LRMDA: variants seen among roughly 807,000 people sequenced by gnomAD.
LRMDA encodes the protein leucine-rich melanocyte differentiation-associated protein.
A neutral mutation model predicts 29.8 loss-of-function variants in LRMDA; 18 were observed. The observed-to-expected ratio is 0.60, with a 90% CI of 0.42 to 0.90. LRMDA has a LOEUF of 0.90. Among genes scored for constraint, LRMDA ranks in the 40% least tolerant of loss-of-function variants. The pLI, the probability that LRMDA is intolerant of heterozygous loss-of-function variation, is 0.00. For missense variants in LRMDA, 273 were observed against 273.9 expected, an observed-to-expected ratio of 1.00 and a Z score of 0.02; for synonymous variants, 125 against 109.4, an observed-to-expected ratio of 1.14 and a Z score of -0.89.
intron 5 of LRMDA, among the ~76,000 whole-genome samples, chr10:76,278,916 G>A (rs1314776733): frequency 2.0e-5 from 3 of 152,182 alleles, no homozygotes; most frequent in Non-Finnish European, 4.4e-5. Flanking sequence ...CTTCAAGGAA[G>A]AATGAAATAA....
chr10:76,312,505 C>T (rs185444297), intron 5 of LRMDA, among the ~76,000 whole-genome samples: 130 of 152,126 alleles, frequency 8.5e-4, no homozygotes, highest in African/African-American at 9.9e-4. Context: ...AAAAAACCTC[C>T]GTGAGAGGAA....
intron 2 of LRMDA, among the ~76,000 whole-genome samples, chr10:75,963,668 T>C (rs1846807159): frequency 2.0e-5 from 3 of 152,330 alleles, no homozygotes; most frequent in Middle Eastern, 3.4e-3. Flanking sequence ...CTCTCTTCTT[T>C]CAATCTGAGT....
chr10:75,949,563 A>T (rs1846537472), intron 2 of LRMDA, among the ~76,000 whole-genome samples: 1 of 152,232 alleles, frequency 6.6e-6, no homozygotes. Flanking sequence ...AGTCTTAGGA[A>T]GAAATTTAGA....
chr10:75,722,927 A>AT (rs1382511890), intron 2 of LRMDA, among the ~76,000 whole-genome samples: 1 of 152,172 alleles, frequency 6.6e-6, no homozygotes, highest in Non-Finnish European at 1.5e-5. Flanking sequence ...TGGTCATATA[A>AT]ATACCTGTGC....
At chr10:76,351,609 G>T (rs1323580107) in intron 6 of LRMDA, among the ~76,000 whole-genome samples, 1 of 151,168 alleles carries the variant, frequency 6.6e-6, no homozygotes, top group Non-Finnish European at 1.5e-5. Flanking sequence ...AGCTACCAAT[G>T]TTATGCACCC....
At chr10:75,902,540 T>G (rs947784170) in intron 2 of LRMDA, among the ~76,000 whole-genome samples, 1 of 151,916 alleles carries the variant, frequency 6.6e-6, no homozygotes, top group Non-Finnish European at 1.5e-5. Flanking sequence ...TATTTTATTC[T>G]TTCTGTTTTT....
chr10:75,915,322 C>T (rs1845915470), intron 2 of LRMDA, among the ~76,000 whole-genome samples: 1 of 151,522 alleles, frequency 6.6e-6, no homozygotes, highest in Non-Finnish European at 1.5e-5. Flanking sequence ...TTTTAGTAGA[C>T]ATGAGGTTTC....
intron 5 of LRMDA, among the ~76,000 whole-genome samples, chr10:76,164,540 A>C (rs1234025177): frequency 6.6e-6 from 1 of 152,180 alleles, no homozygotes; most frequent in Admixed American, 6.5e-5. Flanking sequence ...AAAACCACCC[A>C]AAAAACAAAG....
At chr10:76,551,891 G>A (rs1386759603) in intron 6 of LRMDA, among the ~76,000 whole-genome samples, 1 of 152,122 alleles carries the variant, frequency 6.6e-6, no homozygotes, top group Non-Finnish European at 1.5e-5. Context: ...GGGGTCAGGA[G>A]GTACCTAGTT....
At chr10:76,385,448 G>A (rs1841648075) in intron 6 of LRMDA, among the ~76,000 whole-genome samples, 1 of 152,210 alleles carries the variant, frequency 6.6e-6, no homozygotes, top group Non-Finnish European at 1.5e-5. Flanking sequence ...CTTTCAGAGA[G>A]GGGCCTTAGT....
Position 75,971,840 on chromosome 10 carries a change from C to G in LRMDA, c.132-64168C>G, listed in dbSNP as rs139935344. ...AAGTTAGGGTTCTCAGAAAACCCAACAAAATGGGAGCCTTTGAAACATGAT... is the reference window on the plus strand; with the variant it reads ...AAGTTAGGGTTCTCAGAAAACCCAAGAAAATGGGAGCCTTTGAAACATGAT... On this transcript the variant is annotated intron_variant, in intron 2 of 6. Coordinates refer to ENST00000611255, the MANE Select transcript of LRMDA (RefSeq NM_001305581.2). 3.9e-3 allele frequency among the ~76,000 whole-genome samples: 592 copies of G among 152,258 alleles called. 8 individuals are homozygous for G. The highest frequency in any genetic ancestry group is 0.013 in the African/African-American group (554 of 41,550).
chr10:75,621,901 C>G (rs1257607514), intron 2 of LRMDA, among the ~76,000 whole-genome samples: 1 of 152,192 alleles, frequency 6.6e-6, no homozygotes, highest in South Asian at 2.1e-4. Context: ...GGCTATTATT[C>G]TTCTGAGCAG....
At chr10:75,998,151 G>A (rs571385374) in intron 2 of LRMDA, among the ~76,000 whole-genome samples, 2 of 152,272 alleles carry the variant, frequency 1.3e-5, no homozygotes, top group South Asian at 4.1e-4. Context: ...AATCAGAAGT[G>A]TCCCGTTTGT....
chr10:76,383,303 G>A (rs556478163), intron 6 of LRMDA, among the ~76,000 whole-genome samples: 1 of 151,910 alleles, frequency 6.6e-6, no homozygotes, highest in African/African-American at 2.4e-5. Flanking sequence ...CAGTCCTTAA[G>A]TGAACTGGCC....
chr10:75,583,956 G>C (rs983830911), intron 2 of LRMDA, among the ~76,000 whole-genome samples: 1 of 152,110 alleles, frequency 6.6e-6, no homozygotes, highest in African/African-American at 2.4e-5. Flanking sequence ...CTTGATGACA[G>C]ACTTGATGTG....
At chr10:75,812,108 ATTTTTTT>A (rs67846089) in intron 2 of LRMDA, among the ~76,000 whole-genome samples, 10 of 46,258 alleles carry the variant, frequency 2.2e-4, no homozygotes, top group African/African-American at 7.2e-4. Context: ...TTTAATTGTG[ATTTTTTT>A]TTTTTTTTTT....
intron 2 of LRMDA, among the ~76,000 whole-genome samples, chr10:75,982,473 G>A (rs964453439): frequency 2.0e-5 from 3 of 152,168 alleles, no homozygotes; most frequent in Non-Finnish European, 4.4e-5. Context: ...AGTTGTGGGG[G>A]TTGTGTGGAT....
intron 5 of LRMDA, among the ~76,000 whole-genome samples, chr10:76,242,452 G>A (rs1008213243): frequency 6.6e-6 from 1 of 152,230 alleles, no homozygotes; most frequent in Non-Finnish European, 1.5e-5. Flanking sequence ...ACTCTGGGTA[G>A]AATCCTCTCT....
chr10:75,949,314 G>A (rs1049911501), intron 2 of LRMDA, among the ~76,000 whole-genome samples: 14 of 152,210 alleles, frequency 9.2e-5, no homozygotes, highest in Non-Finnish European at 1.9e-4. Flanking sequence ...CATGTAGCTT[G>A]TCAATTTGTC....
Sources: allele counts gnomAD v4.1 joint callset (sites outside exome capture counted in the v4.1 genomes callset), GRCh38; gene constraint gnomAD v4.1.1; transcripts MANE v1.5; gene names NCBI Gene and HGNC (gene_info 2026-07-23, HGNC 2026-07-21).